Variants in FER observed in about 807,000 individuals in gnomAD.
FER encodes tyrosine-protein kinase Fer.
A neutral mutation model predicts 111.0 loss-of-function variants in FER; 63 were observed. That is an observed-to-expected ratio of 0.57 (90% confidence interval 0.46 to 0.70). FER has a LOEUF of 0.70. Ranked by LOEUF, FER falls within the 30% of genes least tolerant of loss-of-function variation. FER has a pLI of 0.00. For missense variants in FER, 914 were observed against 954.0 expected, an observed-to-expected ratio of 0.96 and a Z score of 0.55; for synonymous variants, 327 against 313.9, an observed-to-expected ratio of 1.04 and a Z score of -0.44.
intron 13 of FER, among the ~76,000 whole-genome samples, chr5:108,969,684 C>T (rs1248063851): frequency 6.8e-6 from 1 of 146,294 alleles, no homozygotes; most frequent in Non-Finnish European, 1.5e-5. Context: ...GGCACCTGTC[C>T]TCAAGCAAAT....
At chr5:108,902,097 AG>A (rs1342776355) in intron 10 of FER, among the ~76,000 whole-genome samples, 2 of 152,194 alleles carry the variant, frequency 1.3e-5, no homozygotes, top group Non-Finnish European at 2.9e-5. Flanking sequence ...TGGAAAGATT[AG>A]TCTTTTCTGT....
intron 2 of FER, among the ~76,000 whole-genome samples, chr5:108,795,408 T>A (rs971524297): frequency 2.0e-5 from 3 of 150,548 alleles, no homozygotes; most frequent in Non-Finnish European, 3.0e-5. Context: ...TTTTTTTTTT[T>A]ATGTTCCCTC....
chr5:108,930,404 TTCTTTTTTCCTCCCCTCCCCCTCC>T (rs1754420315), intron 10 of FER, among the ~76,000 whole-genome samples: 1 of 110 alleles, frequency 9.1e-3, no homozygotes, highest in Non-Finnish European at 0.014. Context: ...TCCTCTCCCC[TTCTTTTTTCCTCCCCTCCCCCTCC>T]CCGTTTCCTC....
chr5:109,071,245 GT>G (rs1164941361), intron 16 of FER, among the ~76,000 whole-genome samples: 1 of 151,918 alleles, frequency 6.6e-6, no homozygotes, highest in Non-Finnish European at 1.5e-5. Context: ...GTCTATCCTT[GT>G]TTTTCATCAT....
chr5:109,011,921 A>G (rs750872253), intron 13 of FER, among the ~76,000 whole-genome samples: 24 of 152,286 alleles, frequency 1.6e-4, no homozygotes, highest in Non-Finnish European at 1.9e-4. Context: ...GACAGCCACT[A>G]TGAACACTCA....
At position 109,019,145 on chromosome 5, in the gene FER, T is replaced by C. The variant is rs533570583; in HGVS notation, c.1657-18277T>C. ...GTCCCTTTATCCACATTTGATTAGA[T>C]TTTGGTTTTGGATTAAGAGATGGGC... is the stretch of plus-strand genomic sequence containing the variant. On this transcript the variant is annotated intron_variant, in intron 13 of 19. Coordinates refer to ENST00000281092, the MANE Select transcript of FER (RefSeq NM_005246.4). Among the ~76,000 whole-genome samples the C allele has an allele frequency of 4.2e-4, 63 of 151,778 alleles. No homozygotes were observed. The East Asian group carries it at 9.1e-3, about 22-fold the overall frequency.
intron 5 of FER, among the ~76,000 whole-genome samples, chr5:108,862,205 A>G (rs1222218187): frequency 6.6e-6 from 1 of 152,180 alleles, no homozygotes. Context: ...GTTATTAATG[A>G]CCATTGGTAA....
chr5:109,174,411 T>C (rs1055857207), intron 17 of FER, among the ~76,000 whole-genome samples: 2 of 152,182 alleles, frequency 1.3e-5, no homozygotes, highest in Admixed American at 1.3e-4. Flanking sequence ...GTGGCTATGG[T>C]ATTGCCTTGT....
At chr5:109,138,663 C>T (rs375766300) in intron 17 of FER, among the ~76,000 whole-genome samples, 3 of 152,250 alleles carry the variant, frequency 2.0e-5, no homozygotes, top group African/African-American at 7.2e-5. Flanking sequence ...TCCTCTCACT[C>T]TATTTTAATA....
At chr5:108,892,475 G>A (rs1007427979) in intron 9 of FER, among the ~76,000 whole-genome samples, 6 of 152,266 alleles carry the variant, frequency 3.9e-5, no homozygotes, top group African/African-American at 9.6e-5. Flanking sequence ...CTTTTGAGAA[G>A]TGTCTGTTCA....
intron 17 of FER, among the ~76,000 whole-genome samples, chr5:109,116,103 G>A (rs1488177104): frequency 1.3e-5 from 2 of 152,038 alleles, no homozygotes; most frequent in Non-Finnish European, 2.9e-5. Flanking sequence ...TGAACTCAAA[G>A]GGAGTGTGCT....
Position 108,946,241 on chromosome 5 carries a change from CTG to C in FER, c.1329+22_1329+23del. On this transcript the variant is annotated intron_variant, in intron 11 of 19. Coordinates refer to ENST00000281092, the MANE Select transcript of FER (RefSeq NM_005246.4). ...TTCAGCAGTAAGTAGGATTAACTCT[CTG>C]TGCTACTGAAAATGGTCATTGTCTA... The C allele has an allele frequency of 6.4e-7, 1 of 1,551,762 alleles. No individual in the cohort carries two copies.
intron 13 of FER, among the ~76,000 whole-genome samples, chr5:109,017,531 T>C (rs1767315890): frequency 6.6e-6 from 1 of 151,982 alleles, no homozygotes; most frequent in Admixed American, 6.6e-5. Context: ...TTATTCATTG[T>C]TGAACCTTTG....
chr5:109,076,788 A>G (rs1776396628), intron 16 of FER, among the ~76,000 whole-genome samples: 1 of 152,202 alleles, frequency 6.6e-6, no homozygotes, highest in Admixed American at 6.5e-5. Flanking sequence ...TGTAATAGCA[A>G]TAACAACATA....
In FER at chr5:109,183,130, T is replaced by G. The variant is rs541802520; in HGVS notation, c.2203+2229T>G. 1.6e-4 allele frequency among the ~76,000 whole-genome samples: 24 copies of G among 152,248 alleles called. No individual in the cohort carries two copies. The South Asian group carries it at 4.3e-3, about 28-fold the overall frequency. On this transcript the variant is annotated intron_variant, in intron 18 of 19. Coordinates refer to ENST00000281092, the MANE Select transcript of FER (RefSeq NM_005246.4). ...TGATATAGGAGACGTTTATAGTATTTAATACCCAGTCCAATGAGAGAGTTC... is the reference window on the plus strand; with the variant it reads ...TGATATAGGAGACGTTTATAGTATTGAATACCCAGTCCAATGAGAGAGTTC...
At chr5:108,847,744 A>G (rs191514779) in intron 5 of FER, among the ~76,000 whole-genome samples, 1 of 152,102 alleles carries the variant, frequency 6.6e-6, no homozygotes, top group Non-Finnish European at 1.5e-5. Flanking sequence ...TGACTACTTT[A>G]TTATTATGAA....
intron 5 of FER, among the ~76,000 whole-genome samples, chr5:108,852,568 T>C (rs1762635741): frequency 1.3e-5 from 2 of 152,142 alleles, no homozygotes; most frequent in Admixed American, 1.3e-4. Context: ...CAAATTTCTC[T>C]CTCAGTTTAA....
intron 10 of FER, among the ~76,000 whole-genome samples, chr5:108,918,475 G>C (rs896541123): frequency 2.0e-5 from 3 of 151,746 alleles, no homozygotes; most frequent in Non-Finnish European, 2.9e-5. Flanking sequence ...GTAGTGGACT[G>C]GGTGTGTGTT....
intron 13 of FER, among the ~76,000 whole-genome samples, chr5:109,019,045 C>G (rs564728152): frequency 1.3e-5 from 2 of 151,160 alleles, no homozygotes; most frequent in Non-Finnish European, 1.5e-5. Flanking sequence ...TCAAAAGATA[C>G]AAGCAGAAAC....
Sources: gnomAD v4.1 joint callset for allele counts (sites outside exome capture counted in the v4.1 genomes callset) on GRCh38, gnomAD v4.1.1 for gene constraint, MANE v1.5 for transcripts, NCBI Gene and HGNC (gene_info 2026-07-23, HGNC 2026-07-21) for gene names.